Variants in NLK observed in about 807,000 individuals in gnomAD.
NLK encodes serine/threonine-protein kinase NLK.
A neutral mutation model predicts 59.0 loss-of-function variants in NLK; 11 were observed. The observed-to-expected ratio is 0.19, with a 90% CI of 0.12 to 0.31. The LOEUF is 0.31. NLK is among the 10% of genes least tolerant of loss of function. The pLI is 1.00. For missense variants in NLK, 410 were observed against 661.1 expected, an observed-to-expected ratio of 0.62 and a Z score of 4.16; for synonymous variants, 235 against 235.9, an observed-to-expected ratio of 1.00 and a Z score of 0.03.
chr17:28,066,107 T>C (rs1909813838), intron 1 of NLK, among the ~76,000 whole-genome samples: 1 of 152,192 alleles, frequency 6.6e-6, no homozygotes, highest in East Asian at 1.9e-4. Flanking sequence ...CCAGAGGCTT[T>C]ACTCCACTAT....
At chr17:28,191,244 C>T in intron 9 of NLK, 25 bp downstream of exon 9, 1 of 1,563,072 alleles carries the variant, frequency 6.4e-7, no homozygotes, top group Admixed American at 1.9e-5. Context: ...TGGCCTTTGG[C>T]CAGGCAATAT....
At chr17:28,152,282 T>C (rs1026945345) in intron 3 of NLK, among the ~76,000 whole-genome samples, 10 of 152,242 alleles carry the variant, frequency 6.6e-5, no homozygotes, top group Non-Finnish European at 1.3e-4. Flanking sequence ...GCATATGACA[T>C]TATTTCATAC....
chr17:28,133,152 A>G (rs1276266247), intron 3 of NLK, among the ~76,000 whole-genome samples: 1 of 152,222 alleles, frequency 6.6e-6, no homozygotes, highest in African/African-American at 2.4e-5. Flanking sequence ...TGATATTGAC[A>G]TAATAGCCAT....
chr17:28,166,089 C>A (rs910672970), intron 5 of NLK, among the ~76,000 whole-genome samples: 4 of 152,144 alleles, frequency 2.6e-5, no homozygotes, highest in Admixed American at 1.3e-4. Flanking sequence ...GTGGCGCATG[C>A]CACTAGTCCC....
Position 28,181,413 on chromosome 17 carries a change from CA to C in NLK, c.1150-3757del, listed in dbSNP as rs374310892. Among the ~76,000 whole-genome samples, 10 of 148,762 alleles carry C rather than the reference CA, an allele frequency of 6.7e-5. No individual in the cohort carries two copies. In the South Asian group the frequency reaches 1.3e-3, roughly 19 times the overall value. On this transcript the variant is annotated intron_variant, in intron 7 of 10. Coordinates refer to ENST00000407008, the MANE Select transcript of NLK (RefSeq NM_016231.5). Reference sequence around the variant, plus strand: ...GCAAGACTTTGCCTCAAAAAAGAAACAAAAAAAAAGCCAGCCGTGGTGGCAC... The same window carrying C: ...GCAAGACTTTGCCTCAAAAAAGAAACAAAAAAAAGCCAGCCGTGGTGGCAC...
At chr17:28,123,205 G>A (rs561588547) in intron 2 of NLK, among the ~76,000 whole-genome samples, 8 of 152,096 alleles carry the variant, frequency 5.3e-5, no homozygotes, top group Non-Finnish European at 7.4e-5. Flanking sequence ...ATTGAGTTTC[G>A]CATTGGCTTC....
intron 1 of NLK, among the ~76,000 whole-genome samples, chr17:28,100,359 C>T (rs866238450): frequency 2.4e-4 from 37 of 152,096 alleles, no homozygotes; most frequent in African/African-American, 8.9e-4. Flanking sequence ...TTTAAAACCA[C>T]GAGCTCATGT....
chr17:28,141,711 G>A (rs560499177), intron 3 of NLK, among the ~76,000 whole-genome samples: 2 of 152,282 alleles, frequency 1.3e-5, no homozygotes, highest in East Asian at 1.9e-4. Flanking sequence ...TAAGAAGGAC[G>A]ATGAAGTTTA....
At chr17:28,117,051 G>GA (rs1294182088) in intron 1 of NLK, among the ~76,000 whole-genome samples, 1 of 152,144 alleles carries the variant, frequency 6.6e-6, no homozygotes, top group Non-Finnish European at 1.5e-5. Flanking sequence ...AGTAGGCCAT[G>GA]AAAACTTCCT....
At chr17:28,204,467 C>A in the NLK span, among the ~76,000 whole-genome samples, 1 of 152,206 alleles carries the variant, frequency 6.6e-6, no homozygotes, top group Admixed American at 6.5e-5. Flanking sequence ...GTCTTCAAGA[C>A]ATGTGCATGT....
intron 1 of NLK, among the ~76,000 whole-genome samples, chr17:28,092,969 T>C (rs1904559398): frequency 6.6e-6 from 1 of 151,928 alleles, no homozygotes; most frequent in South Asian, 2.1e-4. Flanking sequence ...CTAATTTTTG[T>C]ATTTTAGTAG....
intron 2 of NLK, among the ~76,000 whole-genome samples, chr17:28,123,334 GTTA>G (rs1906154375): frequency 6.6e-6 from 1 of 152,104 alleles, no homozygotes; most frequent in Admixed American, 6.6e-5. Context: ...AGGGAAATAG[GTTA>G]TTAATAGAAA....
At chr17:28,095,677 A>G (rs1209762438) in intron 1 of NLK, among the ~76,000 whole-genome samples, 1 of 152,208 alleles carries the variant, frequency 6.6e-6, no homozygotes, top group Non-Finnish European at 1.5e-5. Context: ...TGATTATTCC[A>G]TTAAGCAACC....
intron 1 of NLK, among the ~76,000 whole-genome samples, chr17:28,064,829 CAT>C (rs1425672748): frequency 6.6e-6 from 1 of 152,200 alleles, no homozygotes; most frequent in Non-Finnish European, 1.5e-5. Context: ...TCTTCTATAA[CAT>C]AGGGGTTATA....
intron 3 of NLK, among the ~76,000 whole-genome samples, chr17:28,136,597 T>C (rs1215720709): frequency 6.6e-6 from 1 of 152,168 alleles, no homozygotes; most frequent in Non-Finnish European, 1.5e-5. Context: ...AAGTTTTCCA[T>C]GTCCTTTGTT....
chr17:28,167,129 C>T (rs970583594), intron 5 of NLK, among the ~76,000 whole-genome samples: 12 of 152,256 alleles, frequency 7.9e-5, no homozygotes, highest in South Asian at 2.1e-4. Context: ...TTCATAAAGA[C>T]GACAGACACA....
intron 3 of NLK, among the ~76,000 whole-genome samples, chr17:28,143,457 C>T (rs1293639481): frequency 6.6e-6 from 1 of 151,974 alleles, no homozygotes; most frequent in African/African-American, 2.4e-5. Flanking sequence ...GCATTAGTTT[C>T]TGTCCATATT....
Position 28,191,014 on chromosome 17 carries a change from A to G in NLK, c.1237-7A>G, listed in dbSNP as rs1483933842. On this transcript the variant is annotated splice_polypyrimidine_tract_variant and splice_region_variant and intron_variant, in intron 8 of 10. Transcript: ENST00000407008. ...TGTTGATGTGCTGGTCTCTAATTTG[A>G]TTTCAGTCCAAAAGAATATCCGCTA... 6.3e-7 allele frequency: 1 copy of G among 1,579,056 alleles called. No individual in the cohort carries two copies. Among genetic ancestry groups the G allele is most frequent in the Admixed American group, 1.9e-5 (1 of 53,100 alleles).
Position 28,110,083 on chromosome 17 carries a change from C to G in NLK, c.459-12520C>G, listed in dbSNP as rs7502484. Among the ~76,000 whole-genome samples the G allele has an allele frequency of 9.8e-3, 1,490 of 152,288 alleles. 13 individuals carry two copies. Among genetic ancestry groups the G allele is most frequent in the Non-Finnish European group, 0.016 (1,071 of 68,016 alleles). On this transcript the variant is annotated intron_variant, in intron 1 of 10. Coordinates refer to ENST00000407008, the MANE Select transcript of NLK (RefSeq NM_016231.5). ...CTTATTTAAATCTTCTCTAATTTAT[C>G]TCAGCAATGTTTTGTAGTTTGCATT...
Sources: gnomAD v4.1 joint callset for allele counts (sites outside exome capture counted in the v4.1 genomes callset) on GRCh38, gnomAD v4.1.1 for gene constraint, MANE v1.5 for transcripts, NCBI Gene and HGNC (gene_info 2026-07-23, HGNC 2026-07-21) for gene names.